COLGALT2: variants seen among roughly 807,000 people sequenced by gnomAD.
The protein encoded by COLGALT2 is procollagen galactosyltransferase 2.
COLGALT2 carries 49 observed loss-of-function variants against 73.4 expected under a neutral mutation model. The ratio of observed to expected loss-of-function variants is 0.67; its 90% CI spans 0.53 to 0.85. The LOEUF is 0.85. Ranked by LOEUF, COLGALT2 falls within the 40% of genes least tolerant of loss-of-function variation. The pLI, the probability that COLGALT2 is intolerant of heterozygous loss-of-function variation, is 0.00. For missense variants in COLGALT2, 722 were observed against 790.2 expected, an observed-to-expected ratio of 0.91 and a Z score of 1.03; for synonymous variants, 295 against 307.6, an observed-to-expected ratio of 0.96 and a Z score of 0.43.
chr1:183,970,965 T>C (rs188325318), intron 4 of COLGALT2, among the ~76,000 whole-genome samples: 25 of 152,264 alleles, frequency 1.6e-4, no homozygotes, highest in Non-Finnish European at 3.4e-4. Flanking sequence ...TAATATAAAG[T>C]TCTAGATTAC....
chr1:184,020,555 A>C (rs1474958314), intron 1 of COLGALT2, among the ~76,000 whole-genome samples: 1 of 152,072 alleles, frequency 6.6e-6, no homozygotes, highest in South Asian at 2.1e-4. Context: ...CTTTCTCATC[A>C]TTCAGGCCTT....
chr1:183,944,476 C>T (rs1670197484), intron 9 of COLGALT2, among the ~76,000 whole-genome samples, 153 bp from the exon 10 acceptor site: 1 of 152,190 alleles, frequency 6.6e-6, no homozygotes, highest in South Asian at 2.1e-4. Flanking sequence ...AGATAATAAA[C>T]TTTGGAATAT....
chr1:184,012,946 A>T (rs1047593921), intron 1 of COLGALT2, among the ~76,000 whole-genome samples: 1 of 152,262 alleles, frequency 6.6e-6, no homozygotes, highest in Non-Finnish European at 1.5e-5. Flanking sequence ...TTCAAAAAGA[A>T]GAGGGCGGGC....
intron 3 of COLGALT2, among the ~76,000 whole-genome samples, chr1:183,974,466 A>G (rs977154043): frequency 6.6e-6 from 1 of 152,256 alleles, no homozygotes; most frequent in African/African-American, 2.4e-5. Flanking sequence ...TTTGTGATTT[A>G]ACATTTGTAC....
chr1:183,935,240 C>A (rs936809963), downstream of COLGALT2, among the ~76,000 whole-genome samples: 6 of 152,244 alleles, frequency 3.9e-5, no homozygotes, highest in Non-Finnish European at 7.3e-5. Flanking sequence ...TGAAATAAAA[C>A]CATCCTGTTT....
At chr1:183,956,258 G>A (rs748390073) in intron 6 of COLGALT2, among the ~76,000 whole-genome samples, 10 of 152,192 alleles carry the variant, frequency 6.6e-5, no homozygotes, top group South Asian at 6.2e-4. Context: ...ACTTATTGGC[G>A]AATGATGTGA....
At chr1:183,978,551 C>T (rs1232115823) in intron 1 of COLGALT2, 31 bp from the exon 2 acceptor site, 3 of 1,315,872 alleles carry the variant, frequency 2.3e-6, no homozygotes, top group East Asian at 2.3e-5. Context: ...TATAGTTTAA[C>T]TATGTCATCC....
intron 1 of COLGALT2, among the ~76,000 whole-genome samples, chr1:183,993,347 T>A (rs1262861009): frequency 6.6e-6 from 1 of 152,144 alleles, no homozygotes; most frequent in African/African-American, 2.4e-5. Flanking sequence ...ACCCAGGAAA[T>A]ATCTGGCCAG....
intron 1 of COLGALT2, among the ~76,000 whole-genome samples, chr1:184,007,454 T>C (rs1049243257): frequency 2.0e-5 from 3 of 152,200 alleles, no homozygotes; most frequent in Non-Finnish European, 4.4e-5. Flanking sequence ...TTTTCTACAA[T>C]ACATAAAATC....
At chr1:184,008,796 A>G (rs1156595935) in intron 1 of COLGALT2, among the ~76,000 whole-genome samples, 4 of 152,202 alleles carry the variant, frequency 2.6e-5, no homozygotes, top group Non-Finnish European at 5.9e-5. Flanking sequence ...ATGTAAAAGA[A>G]AATATTCTTA....
Position 183,954,757 on chromosome 1 carries a change from C to T in COLGALT2, c.1029+5G>A. The T allele has an allele frequency of 6.2e-7, 1 of 1,608,668 alleles. No individual in the cohort carries two copies. Among genetic ancestry groups the T allele is most frequent in the Non-Finnish European group, 8.5e-7 (1 of 1,175,334 alleles). Reference sequence around the variant, plus strand: ...TGTGCACACACATATAGACACCTTTCCTACCTCATCAAATCCCATCTTGTC... The same window carrying T: ...TGTGCACACACATATAGACACCTTTTCTACCTCATCAAATCCCATCTTGTC... On this transcript the variant is annotated splice_donor_5th_base_variant and intron_variant, in intron 7 of 11. Transcript: ENST00000361927.
intron 1 of COLGALT2, among the ~76,000 whole-genome samples, chr1:183,979,210 C>T (rs183921107): frequency 1.3e-5 from 2 of 152,220 alleles, no homozygotes; most frequent in Admixed American, 1.3e-4. Context: ...AAGGGCCTAA[C>T]TCATTTATTT....
chr1:184,000,534 T>C (rs1045420238), intron 1 of COLGALT2, among the ~76,000 whole-genome samples: 2 of 124,852 alleles, frequency 1.6e-5, no homozygotes, highest in Non-Finnish European at 3.3e-5. Flanking sequence ...TTTAGTTTTA[T>C]CTTGATTTTG....
intron 1 of COLGALT2, among the ~76,000 whole-genome samples, chr1:184,025,199 T>G (rs921322134): frequency 2.6e-5 from 4 of 152,252 alleles, no homozygotes; most frequent in African/African-American, 7.2e-5. Context: ...GCTATAACCT[T>G]CAGTCACCTG....
intron 9 of COLGALT2, among the ~76,000 whole-genome samples, chr1:183,945,033 G>T (rs1670212007): frequency 6.6e-6 from 1 of 152,154 alleles, no homozygotes; most frequent in African/African-American, 2.4e-5. Context: ...ACCGGGTCAA[G>T]CTACTTAATA....
exon 12 of COLGALT2, chr1:183,930,102 A>G (rs1365994989): frequency 2.4e-6 from 1 of 411,144 alleles, no homozygotes; most frequent in Admixed American, 2.7e-5. Context: ...CAGCCCATCA[A>G]CCAGTCCCCG....
At chr1:184,034,959 T>C (rs1457710471) in intron 1 of COLGALT2, among the ~76,000 whole-genome samples, 1 of 152,248 alleles carries the variant, frequency 6.6e-6, no homozygotes, top group Non-Finnish European at 1.5e-5. Flanking sequence ...CTGGGATTTG[T>C]ATTATTGTTA....
chr1:183,969,420 T>C lies in COLGALT2; in HGVS notation c.681A>G (p.Thr227=). Reference sequence around the variant, plus strand: ...GGACCATGGGGACGGGGAAGCAGCCTGTCCTCTTCCATTCTCGAATCTGAA... The same window carrying C: ...GGACCATGGGGACGGGGAAGCAGCCCGTCCTCTTCCATTCTCGAATCTGAA... ...DYVQIREWKR[T]GCFPVPMVHS... Residue 227 remains threonine (T), a synonymous_variant, in exon 5 of 12, where the codon ACA becomes ACG. Transcript: ENST00000361927. 1 of 1,613,722 alleles carries C rather than the reference T, an allele frequency of 6.2e-7. No homozygotes were observed. Among genetic ancestry groups the C allele is most frequent in the Non-Finnish European group, 8.5e-7 (1 of 1,179,780 alleles).
At chr1:184,023,412 C>T (rs1024389293) in intron 1 of COLGALT2, among the ~76,000 whole-genome samples, 4 of 152,134 alleles carry the variant, frequency 2.6e-5, no homozygotes, top group African/African-American at 7.2e-5. Flanking sequence ...TAAAGCCTTT[C>T]CATAGGAGGA....
Sources: gnomAD v4.1 joint callset for allele counts (sites outside exome capture counted in the v4.1 genomes callset) on GRCh38, gnomAD v4.1.1 for gene constraint, MANE v1.5 for transcripts, NCBI Gene and HGNC (gene_info 2026-07-23, HGNC 2026-07-21) for gene names.